Variants in KMT5B observed in about 807,000 individuals in gnomAD.
KMT5B encodes the protein lysine methyltransferase 5B.
In KMT5B, 10 loss-of-function variants were observed where a neutral mutation model predicts 83.2. The ratio of observed to expected loss-of-function variants is 0.12; its 90% confidence interval spans 0.07 to 0.20. The LOEUF (loss-of-function observed/expected upper bound fraction) is 0.20, where lower values mean the gene tolerates loss of function less well. Among genes scored for constraint, KMT5B ranks in the 10% least tolerant of loss-of-function variants. The probability of loss-of-function intolerance (pLI) is 1.00; values close to 1 mark genes in which losing one functional copy is unlikely to be tolerated. For missense variants in KMT5B, 753 were observed against 1,067.2 expected, an observed-to-expected ratio of 0.71 and a Z score of 4.10; for synonymous variants, 349 against 388.8, an observed-to-expected ratio of 0.90 and a Z score of 1.20.
At chr11:68,164,255 C>T (rs1855113215) in intron 10 of KMT5B, among the ~76,000 whole-genome samples, 1 of 152,218 alleles carries the variant, frequency 6.6e-6, no homozygotes, top group African/African-American at 2.4e-5. Context: ...CTACTCAGAA[C>T]ATTTTTTTAT....
intron 1 of KMT5B, among the ~76,000 whole-genome samples, chr11:68,194,457 T>C (rs1480681226): frequency 2.6e-5 from 4 of 152,130 alleles, no homozygotes; most frequent in African/African-American, 7.2e-5. Flanking sequence ...CCTCCCAAAG[T>C]GCTACGATTA....
chr11:68,205,717 T>C (rs1591074425), intron 1 of KMT5B, among the ~76,000 whole-genome samples: 1 of 150,204 alleles, frequency 6.7e-6, no homozygotes, highest in Admixed American at 6.7e-5. Flanking sequence ...ACCTCCCGGG[T>C]TCAAGCCATT....
chr11:68,177,759 A>G (rs551562860), intron 4 of KMT5B, among the ~76,000 whole-genome samples: 2 of 152,334 alleles, frequency 1.3e-5, no homozygotes, highest in South Asian at 4.1e-4. Flanking sequence ...CCTTTAAACA[A>G]TTCAGAACGT....
In KMT5B at chr11:68,190,146, T is replaced by C; in HGVS notation, c.-70A>G. ...AATAGCTTAGAGAATACTTTCAATG[T>C]TCTCTCCTAACAGAAACAAAATATG... is the stretch of plus-strand genomic sequence containing the variant. On this transcript the variant is annotated 5_prime_UTR_variant, in exon 2 of 11. Coordinates refer to ENST00000304363, the MANE Select transcript of KMT5B (RefSeq NM_017635.5). The C allele has an allele frequency of 6.9e-7, 1 of 1,443,298 alleles. No individual in the cohort carries two copies. Among genetic ancestry groups the C allele is most frequent in the Non-Finnish European group, 9.6e-7 (1 of 1,037,828 alleles). 89.4% of individuals were successfully genotyped at this position (1,443,298 alleles called of 1,614,324 possible).
intron 4 of KMT5B, 100 bp from the exon 5 acceptor site, chr11:68,175,283 G>GC: frequency 2.3e-6 from 2 of 861,312 alleles, no homozygotes; most frequent in Non-Finnish European, 3.6e-6. Flanking sequence ...CCTAAAAACA[G>GC]CCATGGTTAT....
At chr11:68,198,758 C>G (rs1292026542) in intron 1 of KMT5B, among the ~76,000 whole-genome samples, 1 of 152,152 alleles carries the variant, frequency 6.6e-6, no homozygotes, top group Non-Finnish European at 1.5e-5. Context: ...GAGACGGAGT[C>G]TCGCTCTGTT....
intron 1 of KMT5B, among the ~76,000 whole-genome samples, chr11:68,210,404 T>G (rs147727752): frequency 6.6e-6 from 1 of 152,236 alleles, no homozygotes; most frequent in East Asian, 1.9e-4. Context: ...AAATAATTAT[T>G]AGGAGAAAAT....
At chr11:68,180,099 AG>A (rs1565234607) in intron 4 of KMT5B, 32 bp downstream of exon 4, 1 of 1,560,216 alleles carries the variant, frequency 6.4e-7, no homozygotes. Flanking sequence ...TGGGTTAGTC[AG>A]TATCTCATTG....
intron 1 of KMT5B, among the ~76,000 whole-genome samples, chr11:68,194,744 G>A (rs1858504496): frequency 6.6e-6 from 1 of 152,102 alleles, no homozygotes; most frequent in Non-Finnish European, 1.5e-5. Flanking sequence ...GTTCCTTTAA[G>A]ACAAGAGCCA....
chr11:68,159,541 T>G (rs1854674446), intron 10 of KMT5B, among the ~76,000 whole-genome samples: 1 of 152,210 alleles, frequency 6.6e-6, no homozygotes, highest in Non-Finnish European at 1.5e-5. Flanking sequence ...TTAACATGGT[T>G]TTTTCCTTTC....
intron 1 of KMT5B, among the ~76,000 whole-genome samples, chr11:68,203,223 C>A (rs1188062698): frequency 6.6e-6 from 1 of 152,198 alleles, no homozygotes; most frequent in East Asian, 1.9e-4. Flanking sequence ...ATCTGCCTGC[C>A]TCGGCCTCCC....
At chr11:68,199,967 G>A (rs550667298) in intron 1 of KMT5B, among the ~76,000 whole-genome samples, 1 of 152,342 alleles carries the variant, frequency 6.6e-6, no homozygotes, top group African/African-American at 2.4e-5. Context: ...AAGGACTGCG[G>A]TGTGGGAATT....
intron 2 of KMT5B, among the ~76,000 whole-genome samples, chr11:68,189,033 G>C (rs1857746097): frequency 6.6e-6 from 1 of 152,166 alleles, no homozygotes; most frequent in South Asian, 2.1e-4. Context: ...TGGGCCCAAT[G>C]AATCGCATAA....
intron 10 of KMT5B, among the ~76,000 whole-genome samples, chr11:68,164,903 A>G (rs1365857905): frequency 6.6e-6 from 1 of 152,210 alleles, no homozygotes; most frequent in Non-Finnish European, 1.5e-5. Context: ...AGTCTCAAAC[A>G]TCTTTGTATG....
chr11:68,166,827 T>G, intron 10 of KMT5B, 155 bp downstream of exon 10: 1 of 1,448,114 alleles, frequency 6.9e-7, no homozygotes, highest in African/African-American at 1.4e-5. Flanking sequence ...GTGCCTCTAC[T>G]CAAATCACGT....
In KMT5B at chr11:68,168,744, T is replaced by C. The variant is rs996086661; in HGVS notation, c.978-1566A>G. 3.9e-5 allele frequency among the ~76,000 whole-genome samples: 6 copies of C among 152,208 alleles called. 1 individual carries two copies. In the South Asian group the frequency reaches 1.2e-3, roughly 32 times the overall value. On this transcript the variant is annotated intron_variant, in intron 9 of 10. Coordinates refer to ENST00000304363, the MANE Select transcript of KMT5B (RefSeq NM_017635.5). ...AACATGCTTCAAATGTATCCTGGAGTGTCTAGCGCGACTCAGTGTCTCTGC... is the reference window on the plus strand; with the variant it reads ...AACATGCTTCAAATGTATCCTGGAGCGTCTAGCGCGACTCAGTGTCTCTGC...
rs181904812 is a variant in KMT5B at position 68,162,210 on chromosome 11, G to A, written c.1175-3039C>T. On this transcript the variant is annotated intron_variant, in intron 10 of 10. Transcript: ENST00000304363. ...TTTCCTATTGTTTTCCCAACAATCC[G>A]TTTACCACCACATAGCCAGGATGAC... Among the ~76,000 whole-genome samples, 64 of 152,276 alleles carry A rather than the reference G, an allele frequency of 4.2e-4. 1 individual carries two copies. The highest frequency in any genetic ancestry group is 1.5e-3 in the African/African-American group (61 of 41,556).
chr11:68,181,681 T>C (rs1856947646), intron 3 of KMT5B, among the ~76,000 whole-genome samples: 1 of 152,232 alleles, frequency 6.6e-6, no homozygotes, highest in South Asian at 2.1e-4. Flanking sequence ...TTTTCTAAAG[T>C]CACATTCTGG....
intron 9 of KMT5B, among the ~76,000 whole-genome samples, chr11:68,170,137 G>C (rs1463092330): frequency 6.6e-6 from 1 of 152,200 alleles, no homozygotes; most frequent in Non-Finnish European, 1.5e-5. Flanking sequence ...TAAAGTGGGA[G>C]AAGTGACACT....
Sources: allele counts gnomAD v4.1 joint callset (sites outside exome capture counted in the v4.1 genomes callset), GRCh38; gene constraint gnomAD v4.1.1; transcripts MANE v1.5; gene names NCBI Gene and HGNC (gene_info 2026-07-23, HGNC 2026-07-21).